Variants in GUCY1A2 observed in about 807,000 individuals in gnomAD.
GUCY1A2 encodes the protein guanylate cyclase 1 soluble subunit alpha 2, also known as guanylate cyclase soluble subunit alpha-2.
In GUCY1A2, 27 loss-of-function variants were observed where a neutral mutation model predicts 63.5. That is an observed-to-expected ratio of 0.43 (90% CI 0.31 to 0.59). The LOEUF is 0.59. Ranked by LOEUF, GUCY1A2 falls within the 20% of genes least tolerant of loss-of-function variation. The pLI, the probability that GUCY1A2 is intolerant of heterozygous loss-of-function variation, is 0.11. For synonymous variants in GUCY1A2, 364 were observed against 343.5 expected (o/e 1.06, Z -0.66); for missense variants, 768 against 913.3 (o/e 0.84, Z 2.05).
intron 4 of GUCY1A2, among the ~76,000 whole-genome samples, chr11:106,811,630 A>G (rs1858763544): frequency 6.6e-6 from 1 of 152,054 alleles, no homozygotes; most frequent in Non-Finnish European, 1.5e-5. Flanking sequence ...TAATATTTTT[A>G]CTTTTCTCCC....
At chr11:106,839,801 T>C (rs1239671113) in intron 4 of GUCY1A2, among the ~76,000 whole-genome samples, 2 of 138,816 alleles carry the variant, frequency 1.4e-5, no homozygotes, top group Non-Finnish European at 3.0e-5. Flanking sequence ...CAGGTGGGAA[T>C]TGAACAATGA....
At chr11:106,855,642 T>C (rs1859419330) in intron 4 of GUCY1A2, among the ~76,000 whole-genome samples, 1 of 152,116 alleles carries the variant, frequency 6.6e-6, no homozygotes, top group Non-Finnish European at 1.5e-5. Context: ...AAACATTTGT[T>C]GAAAAAAGAC....
Position 106,676,713 on chromosome 11 carries a change from G to A in GUCY1A2, c.*10836C>T, listed in dbSNP as rs1862352745. On this transcript the variant is annotated 3_prime_UTR_variant, in exon 8 of 8. Transcript: ENST00000526355. ...TGATGTATACATCTTATTGGGAGTA[G>A]TTTTCAGAAAGCAATTTCCCTACAA... 5.2e-6 allele frequency: 1 copy of A among 192,136 alleles called. No homozygotes were observed. The highest frequency in any genetic ancestry group is 2.3e-5 in the African/African-American group (1 of 42,954). The allele number at this position is 192,136 out of a possible 1,614,324, so 11.9% of individuals were successfully genotyped here.
At chr11:106,868,384 A>G (rs969631179) in intron 4 of GUCY1A2, among the ~76,000 whole-genome samples, 10 of 152,134 alleles carry the variant, frequency 6.6e-5, no homozygotes, top group Admixed American at 4.6e-4. Context: ...AATCTCCTTA[A>G]GCTGATAAGC....
intron 7 of GUCY1A2, among the ~76,000 whole-genome samples, chr11:106,699,393 TG>T (rs1862778302): frequency 6.6e-6 from 1 of 152,226 alleles, no homozygotes; most frequent in South Asian, 2.1e-4. Context: ...TACTTAAGCT[TG>T]GCATTCTTTG....
rs190363285 is a variant in GUCY1A2, at chr11:106,878,998, C to T, written c.1206+60462G>A. Among the ~76,000 whole-genome samples the T allele has an allele frequency of 8.5e-5, 13 of 152,184 alleles. 2 individuals carry two copies. Among genetic ancestry groups the T allele is most frequent in the African/African-American group, 3.1e-4 (13 of 41,550 alleles). ...ACAACAGGACTAATATAACTACCAA[C>T]ATTGCTTTCAATAAATACTGTTAAT... On this transcript the variant is annotated intron_variant, in intron 4 of 7. Transcript: ENST00000526355.
chr11:107,018,045 C>T lies in GUCY1A2; in HGVS notation c.11G>A (p.Arg4Lys), dbSNP rs1035388043. ...GCTGAAGGACTCGGACGAAATCTTC[C>T]TTCGAGACATGCTGCCGGCGGAGCT... Reference protein sequence around the residue: MSRRKISSESFSSL... With the variant: MSRKKISSESFSSL... Residue 4 changes from arginine to lysine, a missense_variant, in exon 1 of 8, where the codon AGG (arginine) becomes AAG (lysine). By Grantham distance (26) the Arg-to-Lys change is conservative (BLOSUM62 2). Around this residue, in one of 3 missense-constraint regions of GUCY1A2, gnomAD observed 496 missense variants for 486.9 expected, o/e 1.02. Coordinates refer to ENST00000526355, the MANE Select transcript of GUCY1A2 (RefSeq NM_000855.3). 3.4e-6 allele frequency: 5 copies of T among 1,464,384 alleles called. No homozygotes were observed. The highest frequency in any genetic ancestry group is 2.1e-5 in the Admixed American group (1 of 48,132). 90.7% of individuals were successfully genotyped at this position (1,464,384 alleles called of 1,614,324 possible).
At chr11:106,765,437 G>A (rs543632821) in intron 6 of GUCY1A2, among the ~76,000 whole-genome samples, 20 of 152,144 alleles carry the variant, frequency 1.3e-4, no homozygotes, top group African/African-American at 3.9e-4. Context: ...GGTTCCATAG[G>A]CTGTAATTCG....
chr11:107,012,636 C>T (rs750846196), intron 1 of GUCY1A2, among the ~76,000 whole-genome samples: 1 of 152,140 alleles, frequency 6.6e-6, no homozygotes, highest in East Asian at 1.9e-4. Flanking sequence ...GTGCTTTCAA[C>T]TCTGTCATGT....
At chr11:106,962,215 G>T (rs1393486017) in intron 3 of GUCY1A2, among the ~76,000 whole-genome samples, 1 of 151,982 alleles carries the variant, frequency 6.6e-6, no homozygotes, top group African/African-American at 2.4e-5. Context: ...TGAAAATTTT[G>T]TTCCCAAAGG....
chr11:106,959,228 T>C (rs1297311669), intron 3 of GUCY1A2, among the ~76,000 whole-genome samples: 1 of 152,206 alleles, frequency 6.6e-6, no homozygotes, highest in Non-Finnish European at 1.5e-5. Context: ...ATGGTCATCT[T>C]TTAAAATTGA....
chr11:106,930,355 C>T (rs1267864660), intron 4 of GUCY1A2, among the ~76,000 whole-genome samples: 8 of 152,186 alleles, frequency 5.3e-5, no homozygotes, highest in Non-Finnish European at 8.8e-5. Context: ...GACAGAGTCT[C>T]GCTCTGTCAA....
intron 2 of GUCY1A2, among the ~76,000 whole-genome samples, chr11:106,981,665 G>C (rs1359816405): frequency 6.6e-6 from 1 of 151,724 alleles, no homozygotes; most frequent in Admixed American, 6.6e-5. Flanking sequence ...GTGAGCCATA[G>C]ACCAGTAGGA....
intron 3 of GUCY1A2, among the ~76,000 whole-genome samples, chr11:106,963,965 G>A (rs529881914): frequency 1.8e-4 from 27 of 151,876 alleles, no homozygotes; most frequent in African/African-American, 4.8e-4. Flanking sequence ...TATTCATCTC[G>A]TTTCACCATT....
intron 4 of GUCY1A2, among the ~76,000 whole-genome samples, chr11:106,858,359 G>A (rs1027437062): frequency 2.6e-5 from 4 of 152,202 alleles, no homozygotes; most frequent in African/African-American, 9.6e-5. Flanking sequence ...GAAAAGCTTT[G>A]GCTGTATACC....
intron 6 of GUCY1A2, among the ~76,000 whole-genome samples, chr11:106,721,310 C>T (rs1338023906): frequency 6.6e-6 from 1 of 152,114 alleles, no homozygotes; most frequent in African/African-American, 2.4e-5. Context: ...CTGCCTGCCT[C>T]GGCCTCCCAA....
chr11:106,917,893 T>C (rs1411928426), intron 4 of GUCY1A2, among the ~76,000 whole-genome samples: 1 of 139,058 alleles, frequency 7.2e-6, no homozygotes, highest in Non-Finnish European at 1.6e-5. Flanking sequence ...TGTATACATA[T>C]GTAACTAACC....
rs1861259335 is a variant in GUCY1A2, at chr11:106,976,170, CTCA to C, written c.487+2446_487+2448del. ...GTAAGAGAAATATATGTTTGCCAAT[CTCA>C]GTCCACCAATATTCTAATCACACTC... On this transcript the variant is annotated intron_variant, in intron 3 of 7. Coordinates refer to ENST00000526355, the MANE Select transcript of GUCY1A2 (RefSeq NM_000855.3). 4.6e-5 allele frequency among the ~76,000 whole-genome samples: 7 copies of C among 152,128 alleles called. No individual in the cohort carries two copies. The South Asian group carries it at 1.5e-3, about 32-fold the overall frequency.
At chr11:106,980,013 T>C (rs563055357) in intron 2 of GUCY1A2, among the ~76,000 whole-genome samples, 1 of 152,182 alleles carries the variant, frequency 6.6e-6, no homozygotes, top group Non-Finnish European at 1.5e-5. Context: ...CTGGTAGAGA[T>C]TGGGGATTAC....
Sources: allele counts gnomAD v4.1 joint callset (sites outside exome capture counted in the v4.1 genomes callset), GRCh38; gene constraint gnomAD v4.1.1; regional missense constraint gnomAD v4.1.1; transcripts MANE v1.5; gene names NCBI Gene and HGNC (gene_info 2026-07-23, HGNC 2026-07-21).